Variants in KREMEN1 observed in about 807,000 individuals in gnomAD.
KREMEN1 encodes the protein kringle containing transmembrane protein 1.
In KREMEN1, 30 loss-of-function variants were observed where a neutral mutation model predicts 46.5. The observed-to-expected ratio is 0.65, with a 90% CI of 0.48 to 0.88. The LOEUF is 0.88. KREMEN1 is among the 40% of genes least tolerant of loss of function. KREMEN1 has a pLI of 0.00. For missense variants in KREMEN1, 533 were observed against 596.9 expected, an observed-to-expected ratio of 0.89 and a Z score of 1.11; for synonymous variants, 214 against 230.6, an observed-to-expected ratio of 0.93 and a Z score of 0.65.
Position 29,144,952 on chromosome 22 carries a change from C to G in KREMEN1, c.*2840C>G, listed in dbSNP as rs1308003843. 1.4e-5 allele frequency: 14 copies of G among 985,422 alleles called. No homozygotes were observed. In the East Asian group the frequency reaches 1.5e-3, roughly 104 times the overall value. 61.0% of individuals were successfully genotyped at this position (985,422 alleles called of 1,614,324 possible). On this transcript the variant is annotated 3_prime_UTR_variant, in exon 9 of 9. Transcript: ENST00000400335. ...CTCGCCCTGGCATGGCCCAGCGCCT[C>G]TAGGATCAACTTACGATCCGTGGAG...
At chr22:29,120,575 A>G (rs2038337034) in intron 3 of KREMEN1, among the ~76,000 whole-genome samples, 1 of 83,552 alleles carries the variant, frequency 1.2e-5, no homozygotes, top group Non-Finnish European at 2.6e-5. Context: ...GAGGAGGGAG[A>G]GTTGATGATG....
At position 29,073,396 on chromosome 22, in the gene KREMEN1, C is replaced by T. The variant is rs1029329629; in HGVS notation, c.97+169C>T. Among the ~76,000 whole-genome samples, 1 of 151,926 alleles carries T rather than the reference C, an allele frequency of 6.6e-6. No homozygotes were observed. Among genetic ancestry groups the T allele is most frequent in the African/African-American group, 2.4e-5 (1 of 41,378 alleles). ...GCCGGGATGGTCCCTTCCTGGGACC[C>T]GGGCTACCCCCAGGCCCGTCATCGA... is the stretch of plus-strand genomic sequence containing the variant. On this transcript the variant is annotated intron_variant, in intron 1 of 8. Coordinates refer to ENST00000400335, the MANE Select transcript of KREMEN1 (RefSeq NM_001039570.3). The surrounding 1 kb of genome is among the most constrained non-coding windows in gnomAD (Gnocchi z 4.4).
intron 9 of KREMEN1, among the ~76,000 whole-genome samples, chr22:29,156,352 G>A (rs1342973784): frequency 6.6e-6 from 1 of 152,258 alleles, no homozygotes; most frequent in Non-Finnish European, 1.5e-5. Context: ...CAGTACAGAT[G>A]TTTATGCCTT....
chr22:29,103,201 C>T (rs1601770976), intron 3 of KREMEN1, among the ~76,000 whole-genome samples: 1 of 152,158 alleles, frequency 6.6e-6, no homozygotes, highest in African/African-American at 2.4e-5. Flanking sequence ...TAGTATTGAA[C>T]TTGTCATACA....
In KREMEN1 at chr22:29,142,139, G is replaced by A; in HGVS notation, c.*27G>A. The A allele has an allele frequency of 6.5e-7, 1 of 1,531,124 alleles. No individual in the cohort carries two copies. The highest frequency in any genetic ancestry group is 1.3e-5 in the South Asian group (1 of 77,848). 94.8% of individuals were successfully genotyped at this position (1,531,124 alleles called of 1,614,324 possible). ...AACCCCACTGTGCCTAGGACTTGAG[G>A]TCCCTCTTTGAGCTCAAGGCTGCCG... On this transcript the variant is annotated 3_prime_UTR_variant, in exon 9 of 9. Transcript: ENST00000400335.
intron 3 of KREMEN1, among the ~76,000 whole-genome samples, chr22:29,116,887 A>G (rs1160113907): frequency 6.6e-6 from 1 of 151,810 alleles, no homozygotes; most frequent in African/African-American, 2.4e-5. Context: ...AGGCCCCTCC[A>G]CCCCCAACAC....
chr22:29,123,619 C>G (rs1300137046), intron 4 of KREMEN1, among the ~76,000 whole-genome samples: 1 of 152,108 alleles, frequency 6.6e-6, no homozygotes, highest in Non-Finnish European at 1.5e-5. Flanking sequence ...TGGCAAAACC[C>G]TGTCTCTACT....
At chr22:29,158,189 G>A (rs935239222) in intron 9 of KREMEN1, among the ~76,000 whole-genome samples, 7 of 152,172 alleles carry the variant, frequency 4.6e-5, no homozygotes, top group Admixed American at 6.5e-5. Flanking sequence ...GGTAAAACAC[G>A]GGGTACCAAT....
chr22:29,111,938 C>G (rs1329415716), intron 3 of KREMEN1, among the ~76,000 whole-genome samples: 1 of 152,174 alleles, frequency 6.6e-6, no homozygotes, highest in Non-Finnish European at 1.5e-5. Flanking sequence ...AGGACTAGAA[C>G]TCATTCAAGC....
intron 5 of KREMEN1, among the ~76,000 whole-genome samples, chr22:29,128,037 C>T (rs1003112903): frequency 6.6e-6 from 1 of 152,134 alleles, no homozygotes; most frequent in Non-Finnish European, 1.5e-5. Context: ...TAGGCAAAGC[C>T]ACACAAATGG....
At chr22:29,109,609 A>G (rs2038111757) in intron 3 of KREMEN1, among the ~76,000 whole-genome samples, 1 of 152,184 alleles carries the variant, frequency 6.6e-6, no homozygotes, top group Admixed American at 6.5e-5. Context: ...CTTCCTGAGT[A>G]GAGGAGTGGA....
chr22:29,139,860 C>G (rs1402105732), intron 7 of KREMEN1, among the ~76,000 whole-genome samples: 1 of 152,192 alleles, frequency 6.6e-6, no homozygotes, highest in Admixed American at 6.5e-5. Flanking sequence ...CCAGCACTTC[C>G]TGTGCGTCAT....
rs183894551 is a variant in KREMEN1, at chr22:29,082,288, C to T, written c.97+9061C>T. ...GCTGGGGGGCAGTGGCACTCCTGGCCTCAAGTAATCCTCCCACCTTGGCCT... is the reference window on the plus strand; with the variant it reads ...GCTGGGGGGCAGTGGCACTCCTGGCTTCAAGTAATCCTCCCACCTTGGCCT... On this transcript the variant is annotated intron_variant, in intron 1 of 8. Transcript: ENST00000400335. Among the ~76,000 whole-genome samples the T allele has an allele frequency of 3.8e-3, 572 of 152,206 alleles. 1 individual carries two copies. Among genetic ancestry groups the T allele is most frequent in the Middle Eastern group, 0.017 (5 of 294 alleles).
downstream of KREMEN1, among the ~76,000 whole-genome samples, chr22:29,151,564 G>A (rs1464155802): frequency 6.6e-6 from 1 of 152,118 alleles, no homozygotes; most frequent in Non-Finnish European, 1.5e-5. Context: ...AGCTCCCCTT[G>A]TTATTAGCCA....
intron 2 of KREMEN1, among the ~76,000 whole-genome samples, chr22:29,095,219 C>T (rs2037866693): frequency 6.6e-6 from 1 of 152,182 alleles, no homozygotes; most frequent in Admixed American, 6.5e-5. Flanking sequence ...CAGATGTGTG[C>T]CATTTACTTC....
chr22:29,138,774 C>T lies in KREMEN1; in HGVS notation c.1115C>T (p.Thr372Ile). ...ITTSPSHPPQ[T>I]VPGWTVYGLA... ...ACCAGCCCCAGCCACCCACCTCAGACTGTCCCAGGTAGCAATTCCTGGGCG... is the reference window on the plus strand; with the variant it reads ...ACCAGCCCCAGCCACCCACCTCAGATTGTCCCAGGTAGCAATTCCTGGGCG... Residue 372 changes from threonine (T) to isoleucine (I), a missense_variant, in exon 7 of 9, where the codon ACT becomes ATT. Thr to Ile is a moderately conservative substitution (Grantham distance 89). Transcript: ENST00000400335. The T allele has an allele frequency of 6.2e-7, 1 of 1,614,258 alleles. No individual in the cohort carries two copies.
chr22:29,134,047 G>A (rs1022342493), intron 5 of KREMEN1: 6 of 151,894 alleles, frequency 4.0e-5, no homozygotes, highest in Non-Finnish European at 5.9e-5. Context: ...ACTAAAATTG[G>A]AACAAAACAG....
Position 29,099,201 on chromosome 22 carries a change from C to T in KREMEN1, c.352+248C>T, listed in dbSNP as rs1784456608. The T allele has an allele frequency of 7.6e-6, 3 of 393,406 alleles. No individual in the cohort carries two copies. The South Asian group carries it at 1.1e-4, about 15-fold the overall frequency. The allele number at this position is 393,406 out of a possible 1,614,324, so 24.4% of individuals were successfully genotyped here. A position where few individuals can be genotyped will look rare whatever the true frequency, so the allele number is the denominator to read the frequency against. On this transcript the variant is annotated intron_variant, in intron 3 of 8. Transcript: ENST00000400335. ...TGGGTAAGCCCCATGAGAATTCCTA[C>T]TTTTGGTTAATTTCTGATTCTTTCA... is the stretch of plus-strand genomic sequence containing the variant.
At chr22:29,104,689 C>T (rs1436143448) in intron 3 of KREMEN1, among the ~76,000 whole-genome samples, 1 of 152,044 alleles carries the variant, frequency 6.6e-6, no homozygotes, top group Non-Finnish European at 1.5e-5. Context: ...GGCGGATCAC[C>T]TGAGGTCAGG....
Sources: allele counts gnomAD v4.1 joint callset (sites outside exome capture counted in the v4.1 genomes callset), GRCh38; gene constraint gnomAD v4.1.1; non-coding constraint Gnocchi (gnomAD v3.1); transcripts MANE v1.5; gene names NCBI Gene and HGNC (gene_info 2026-07-23, HGNC 2026-07-21).